STK32B: variants seen among roughly 807,000 people sequenced by gnomAD.
STK32B encodes serine/threonine kinase 32B, also known as serine/threonine-protein kinase 32B.
A neutral mutation model predicts 52.6 loss-of-function variants in STK32B; 43 were observed. The ratio of observed to expected loss-of-function variants is 0.82; its 90% CI spans 0.64 to 1.05. STK32B has a LOEUF of 1.05. STK32B is among the 50% of genes least tolerant of loss of function. The pLI is 0.00. For missense variants in STK32B, 621 were observed against 534.6 expected, an observed-to-expected ratio of 1.16 and a Z score of -1.59; for synonymous variants, 238 against 204.3, an observed-to-expected ratio of 1.17 and a Z score of -1.41.
At chr4:5,144,160 G>A (rs1477941372) in intron 2 of STK32B, among the ~76,000 whole-genome samples, 4 of 152,216 alleles carry the variant, frequency 2.6e-5, no homozygotes, top group African/African-American at 7.2e-5. Context: ...GAGAGTGCAA[G>A]GCAGTGTGGC....
At chr4:5,192,562 G>T (rs1357618982) in intron 3 of STK32B, among the ~76,000 whole-genome samples, 1 of 152,110 alleles carries the variant, frequency 6.6e-6, no homozygotes, top group Admixed American at 6.5e-5. Flanking sequence ...ATTTTTAAAT[G>T]AAACAATTTT....
chr4:5,039,459 T>C, the STK32B span, among the ~76,000 whole-genome samples: 38 of 152,320 alleles, frequency 2.5e-4, no homozygotes, highest in African/African-American at 9.1e-4. Flanking sequence ...CTGGACAGTC[T>C]TAGGGGCAGT....
chr4:5,079,596 A>G (rs1387203329), intron 1 of STK32B, among the ~76,000 whole-genome samples: 1 of 152,214 alleles, frequency 6.6e-6, no homozygotes, highest in African/African-American at 2.4e-5. Context: ...ACCCTTAAAC[A>G]GCTGCTGCCT....
rs966053141 is a variant in STK32B at position 5,399,726 on chromosome 4, G to T, written c.472+1482G>T. Among the ~76,000 whole-genome samples, 4 of 152,144 alleles carry T rather than the reference G, an allele frequency of 2.6e-5. No individual in the cohort carries two copies. The highest frequency in any genetic ancestry group is 9.7e-5 in the African/African-American group (4 of 41,426). On this transcript the variant is annotated intron_variant, in intron 5 of 11. Coordinates refer to ENST00000282908, the MANE Select transcript of STK32B (RefSeq NM_018401.3). The surrounding 1 kb of genome is among the most constrained non-coding windows in gnomAD (Gnocchi z 5.4). ...TCCGTGTCTCAGCCTTCCCAGCAGC[G>T]ATGCAGAAGTAATTGACCCACCTTG... is the stretch of plus-strand genomic sequence containing the variant.
At chr4:5,409,097 T>C (rs1343943036) in intron 5 of STK32B, among the ~76,000 whole-genome samples, 3 of 152,098 alleles carry the variant, frequency 2.0e-5, no homozygotes, top group Non-Finnish European at 2.9e-5. Context: ...AACTCCTCCA[T>C]CTATTGAGAT....
chr4:5,154,899 A>G (rs1368511209), intron 2 of STK32B, among the ~76,000 whole-genome samples: 1 of 152,196 alleles, frequency 6.6e-6, no homozygotes, highest in Non-Finnish European at 1.5e-5. Flanking sequence ...TGCGCAAATC[A>G]TGAATTAGCT....
chr4:5,067,359 C>T (rs2108763869), intron 1 of STK32B, among the ~76,000 whole-genome samples: 1 of 152,210 alleles, frequency 6.6e-6, no homozygotes, highest in South Asian at 2.1e-4. Flanking sequence ...CCATATCAGT[C>T]AGTCACCCCC....
At chr4:5,322,219 A>C (rs1272755827) in intron 3 of STK32B, among the ~76,000 whole-genome samples, 1 of 152,200 alleles carries the variant, frequency 6.6e-6, no homozygotes, top group African/African-American at 2.4e-5. Context: ...GACATGTATC[A>C]GGCACAAGTC....
intron 4 of STK32B, among the ~76,000 whole-genome samples, chr4:5,331,962 G>C (rs987277124): frequency 2.0e-5 from 3 of 152,164 alleles, no homozygotes; most frequent in Non-Finnish European, 2.9e-5. Context: ...AACTCAATGA[G>C]AGGCTTTGGA....
intron 4 of STK32B, among the ~76,000 whole-genome samples, chr4:5,355,530 A>G (rs1398188740): frequency 6.6e-6 from 1 of 152,166 alleles, no homozygotes; most frequent in African/African-American, 2.4e-5. Flanking sequence ...TGAGATTCTG[A>G]AGGCACTGGC....
intron 2 of STK32B, among the ~76,000 whole-genome samples, chr4:5,150,559 C>A (rs1251591991): frequency 1.3e-5 from 2 of 148,880 alleles, no homozygotes; most frequent in Non-Finnish European, 3.0e-5. Context: ...TTGGCAGGCA[C>A]ATGAATCTCA....
chr4:5,481,336 C>A (rs890319165), intron 11 of STK32B, among the ~76,000 whole-genome samples: 2 of 152,156 alleles, frequency 1.3e-5, no homozygotes, highest in Non-Finnish European at 2.9e-5. Flanking sequence ...ATGGCCAGAG[C>A]TGATGAGCAT....
At chr4:5,285,577 A>C (rs1189054830) in intron 3 of STK32B, among the ~76,000 whole-genome samples, 2 of 152,220 alleles carry the variant, frequency 1.3e-5, no homozygotes. Context: ...AACCATAGCA[A>C]TCATAAGAAC....
chr4:5,483,657 C>G (rs527766141), intron 11 of STK32B, among the ~76,000 whole-genome samples: 2 of 152,188 alleles, frequency 1.3e-5, no homozygotes, highest in Admixed American at 6.5e-5. Context: ...TCTTGCTTTT[C>G]TAGTTCTTTT....
At chr4:5,260,006 G>A (rs1047992618) in intron 3 of STK32B, among the ~76,000 whole-genome samples, 2 of 151,830 alleles carry the variant, frequency 1.3e-5, no homozygotes, top group Non-Finnish European at 2.9e-5. Context: ...TCCTGAGGGG[G>A]GGTCAAGTCA....
intron 4 of STK32B, among the ~76,000 whole-genome samples, chr4:5,360,699 G>A (rs549867486): frequency 7.2e-5 from 11 of 152,186 alleles, no homozygotes; most frequent in East Asian, 5.8e-4. Context: ...CCAGCTACTC[G>A]GGAGGCTGAG....
chr4:5,105,635 C>T (rs1714057490), intron 1 of STK32B, among the ~76,000 whole-genome samples: 1 of 151,952 alleles, frequency 6.6e-6, no homozygotes, highest in East Asian at 1.9e-4. Context: ...GGGATCTTGG[C>T]TCACTGCAAG....
At chr4:5,459,117 C>G (rs1716816080) in intron 8 of STK32B, among the ~76,000 whole-genome samples, 1 of 152,204 alleles carries the variant, frequency 6.6e-6, no homozygotes, top group Non-Finnish European at 1.5e-5. Flanking sequence ...GGGACAGCCC[C>G]TAAAGAGTGG....
At chr4:5,032,788 C>T in the STK32B span, among the ~76,000 whole-genome samples, 1 of 152,164 alleles carries the variant, frequency 6.6e-6, no homozygotes, top group Admixed American at 6.5e-5. Context: ...TAACCACTAA[C>T]TCCCCACTCC....
Sources: allele counts gnomAD v4.1 joint callset (sites outside exome capture counted in the v4.1 genomes callset), GRCh38; gene constraint gnomAD v4.1.1; non-coding constraint Gnocchi (gnomAD v3.1); transcripts MANE v1.5; gene names NCBI Gene and HGNC (gene_info 2026-07-23, HGNC 2026-07-21).